Variants in APIP observed in about 807,000 individuals in gnomAD.
APIP encodes APAF1 interacting protein, also known as methylthioribulose-1-phosphate dehydratase.
Under a neutral mutation model 32.0 loss-of-function variants are expected in APIP, and 32 were observed. The ratio of observed to expected loss-of-function variants is 1.00; its 90% CI spans 0.76 to 1.34. The LOEUF is 1.34. APIP is among the 40% of genes most tolerant of loss of function. The pLI, the probability that APIP is intolerant of heterozygous loss-of-function variation, is 0.00. For missense variants in APIP, 247 were observed against 298.6 expected, an observed-to-expected ratio of 0.83 and a Z score of 1.27; for synonymous variants, 92 against 94.8, an observed-to-expected ratio of 0.97 and a Z score of 0.17.
chr11:34,905,658 G>A (rs1394702831), intron 1 of APIP, among the ~76,000 whole-genome samples: 1 of 152,156 alleles, frequency 6.6e-6, no homozygotes, highest in African/African-American at 2.4e-5. Context: ...GGAGGAGAGT[G>A]CAACAAGGGT....
chr11:34,888,227 A>T, intron 5 of APIP, 66 bp downstream of exon 5: 2 of 1,373,730 alleles, frequency 1.5e-6, no homozygotes, highest in South Asian at 1.4e-5. Context: ...AATGATCAGT[A>T]TTCTATTTAT....
In APIP at chr11:34,913,940, G is replaced by C. The variant is rs546191040; in HGVS notation, c.57+2288C>G. Among the ~76,000 whole-genome samples the C allele has an allele frequency of 5.3e-5, 8 of 152,200 alleles. No homozygotes were observed. The South Asian group carries it at 1.5e-3, about 28-fold the overall frequency. ...CTCTTTAGCTTCATCTCAAGTCTCTGGCCCCTACTTTATGTTCCAGAACAC... is the reference window on the plus strand; with the variant it reads ...CTCTTTAGCTTCATCTCAAGTCTCTCGCCCCTACTTTATGTTCCAGAACAC... On this transcript the variant is annotated intron_variant, in intron 1 of 6. Transcript: ENST00000395787.
chr11:34,900,822 G>C (rs548513172), intron 1 of APIP, among the ~76,000 whole-genome samples: 2 of 152,188 alleles, frequency 1.3e-5, no homozygotes, highest in African/African-American at 4.8e-5. Context: ...GTGTGTATTA[G>C]AGGGCCCATG....
intron 1 of APIP, among the ~76,000 whole-genome samples, chr11:34,895,667 CA>C (rs1274721465): frequency 6.6e-6 from 1 of 151,972 alleles, no homozygotes; most frequent in Non-Finnish European, 1.5e-5. Context: ...AAGCAAATTA[CA>C]AAAAACACTA....
At chr11:34,897,147 A>T (rs188094992) in intron 1 of APIP, among the ~76,000 whole-genome samples, 110 of 152,348 alleles carry the variant, frequency 7.2e-4, no homozygotes, top group African/African-American at 2.6e-3. Context: ...ATTTAGTGCT[A>T]ATGTTCTACT....
intron 1 of APIP, among the ~76,000 whole-genome samples, chr11:34,906,460 T>C (rs991388954): frequency 3.9e-5 from 6 of 152,316 alleles, no homozygotes; most frequent in African/African-American, 1.2e-4. Flanking sequence ...TGGGAAATTC[T>C]ATAGCCAGAG....
intron 1 of APIP, among the ~76,000 whole-genome samples, chr11:34,897,209 T>TA (rs1411003205): frequency 6.6e-6 from 1 of 152,230 alleles, no homozygotes; most frequent in Non-Finnish European, 1.5e-5. Flanking sequence ...CTTCAAAATA[T>TA]AAAATTAAAA....
intron 1 of APIP, among the ~76,000 whole-genome samples, chr11:34,906,296 A>T (rs901116372): frequency 3.9e-5 from 6 of 152,160 alleles, no homozygotes; most frequent in Non-Finnish European, 8.8e-5. Flanking sequence ...ATCTGGAGTC[A>T]TCCCTAATTG....
At chr11:34,898,785 GGTTTTT>G (rs60123478) in intron 1 of APIP, among the ~76,000 whole-genome samples, 3,616 of 91,962 alleles carry the variant, frequency 0.039, 377 homozygotes, top group African/African-American at 0.088. Context: ...TTCTTTCTTT[GGTTTTT>G]TTTTTTTTTT....
intron 5 of APIP, among the ~76,000 whole-genome samples, chr11:34,886,522 T>C (rs907976848): frequency 1.3e-5 from 2 of 152,156 alleles, no homozygotes; most frequent in Non-Finnish European, 2.9e-5. Context: ...ATAAATTTCG[T>C]GTAGCCTAAA....
At chr11:34,907,762 CTATT>C (rs1333285110) in intron 1 of APIP, among the ~76,000 whole-genome samples, 1 of 152,038 alleles carries the variant, frequency 6.6e-6, no homozygotes, top group African/African-American at 2.4e-5. Context: ...TTACAATCAA[CTATT>C]TATAGTAGAG....
At chr11:34,908,268 C>G (rs1853488150) in intron 1 of APIP, among the ~76,000 whole-genome samples, 1 of 152,228 alleles carries the variant, frequency 6.6e-6, no homozygotes, top group South Asian at 2.1e-4. Context: ...GATTCCACAA[C>G]TGAGAGTTGT....
intron 1 of APIP, among the ~76,000 whole-genome samples, chr11:34,905,740 G>A (rs753848246): frequency 1.3e-5 from 2 of 152,172 alleles, no homozygotes; most frequent in African/African-American, 2.4e-5. Flanking sequence ...TGGAAGCCCC[G>A]ATGGGAGTGG....
intron 1 of APIP, among the ~76,000 whole-genome samples, chr11:34,903,907 T>A (rs963279884): frequency 2.0e-5 from 3 of 152,210 alleles, no homozygotes; most frequent in Non-Finnish European, 4.4e-5. Flanking sequence ...AGGTTTTCAC[T>A]TGGGAAAGGA....
intron 6 of APIP, 145 bp from the exon 7 acceptor site, chr11:34,882,961 T>C (rs1852991757): frequency 1.7e-6 from 1 of 595,562 alleles, no homozygotes; most frequent in Non-Finnish European, 2.9e-6. Flanking sequence ...AATTCTATTT[T>C]TCCCTCAACA....
In APIP at chr11:34,916,276, G is replaced by A; in HGVS notation, c.9C>T (p.Gly3=). The part of the protein sequence containing the change: MS[G]CDAREGDCCS... ...AACAGTCTCCCTCCCGAGCATCACA[G>A]CCAGACATGGCCCAGACCAGGGACC... Residue 3 remains glycine (G), a synonymous_variant, in exon 1 of 7, where the codon GGC becomes GGT. Coordinates refer to ENST00000395787, the MANE Select transcript of APIP (RefSeq NM_015957.4). 1 of 1,612,430 alleles carries A rather than the reference G, an allele frequency of 6.2e-7. No homozygotes were observed. The highest frequency in any genetic ancestry group is 8.5e-7 in the Non-Finnish European group (1 of 1,179,468).
chr11:34,895,353 C>T (rs1241565725), intron 1 of APIP, among the ~76,000 whole-genome samples: 1 of 152,144 alleles, frequency 6.6e-6, no homozygotes, highest in African/African-American at 2.4e-5. Flanking sequence ...CACTAAGGAA[C>T]AGGCTGCAAA....
At chr11:34,914,920 C>T (rs1853634890) in intron 1 of APIP, among the ~76,000 whole-genome samples, 1 of 149,340 alleles carries the variant, frequency 6.7e-6, no homozygotes. Flanking sequence ...AGGAAAATCG[C>T]TTGAACCAAG....
chr11:34,914,111 A>T (rs1457748617), intron 1 of APIP, among the ~76,000 whole-genome samples: 6 of 152,236 alleles, frequency 3.9e-5, no homozygotes, highest in Admixed American at 2.0e-4. Context: ...AGATACTTTC[A>T]CTGTTTCCTG....
Sources: allele counts gnomAD v4.1 joint callset (sites outside exome capture counted in the v4.1 genomes callset), GRCh38; gene constraint gnomAD v4.1.1; transcripts MANE v1.5; gene names NCBI Gene and HGNC (gene_info 2026-07-23, HGNC 2026-07-21).